Variants in NR6A1 observed in about 807,000 individuals in gnomAD.
NR6A1 encodes the protein retinoic acid receptor-related testis-associated receptor.
A neutral mutation model predicts 59.1 loss-of-function variants in NR6A1; 7 were observed. The ratio of observed to expected loss-of-function variants is 0.12; its 90% CI spans 0.07 to 0.22. The LOEUF is 0.22. Ranked by LOEUF, NR6A1 falls within the 10% of genes least tolerant of loss-of-function variation. NR6A1 has a pLI of 1.00. For synonymous variants in NR6A1, 243 were observed against 236.1 expected, an observed-to-expected ratio of 1.03 and a Z score of -0.27; for missense variants, 468 against 611.6, an observed-to-expected ratio of 0.77 and a Z score of 2.48.
In NR6A1 at chr9:124,518,170, T is replaced by C. The variant is rs1269076124; in HGVS notation, c.*4535A>G. On this transcript the variant is annotated 3_prime_UTR_variant, in exon 10 of 10. Coordinates refer to ENST00000487099, the MANE Select transcript of NR6A1 (RefSeq NM_033334.4). ...CCTTTGAGCCTACAGTTGATTCCTG[T>C]GCAGGCTGTGGTCCATTTAGGGCTT... 6.7e-6 allele frequency: 1 copy of C among 148,846 alleles called. No individual in the cohort carries two copies. The highest frequency in any genetic ancestry group is 1.5e-5 in the Non-Finnish European group (1 of 67,500). The allele number at this position is 148,846 out of a possible 1,614,324, so 9.2% of individuals were successfully genotyped here. A position where few individuals can be genotyped will look rare whatever the true frequency, so the allele number is the denominator to read the frequency against.
At chr9:124,589,286 A>C (rs982763492) in intron 2 of NR6A1, among the ~76,000 whole-genome samples, 22 of 151,960 alleles carry the variant, frequency 1.4e-4, no homozygotes, top group African/African-American at 4.3e-4. Flanking sequence ...CTCTACTAAA[A>C]ACACAAAAAA....
chr9:124,630,644 T>G (rs1328290201), intron 2 of NR6A1, among the ~76,000 whole-genome samples: 1 of 149,088 alleles, frequency 6.7e-6, no homozygotes, highest in Non-Finnish European at 1.5e-5. Context: ...TTTATACTTT[T>G]GACCCCTGGG....
At chr9:124,582,831 T>C (rs1219018906) in intron 2 of NR6A1, among the ~76,000 whole-genome samples, 1 of 152,184 alleles carries the variant, frequency 6.6e-6, no homozygotes, top group Non-Finnish European at 1.5e-5. Context: ...AAGGTTGCAG[T>C]GAGCTGAGAT....
At chr9:124,716,046 T>C (rs1839409607) in intron 2 of NR6A1, among the ~76,000 whole-genome samples, 1 of 151,832 alleles carries the variant, frequency 6.6e-6, no homozygotes, top group African/African-American at 2.4e-5. Flanking sequence ...CTACCAAAAA[T>C]TTAAAAATTA....
intron 2 of NR6A1, among the ~76,000 whole-genome samples, chr9:124,644,221 C>G (rs915964096): frequency 1.3e-5 from 2 of 151,192 alleles, no homozygotes; most frequent in African/African-American, 4.9e-5. Context: ...ATCCTTTCAC[C>G]AGACAACTGA....
chr9:124,557,424 C>T (rs7030728), intron 2 of NR6A1, among the ~76,000 whole-genome samples: 32 of 152,260 alleles, frequency 2.1e-4, no homozygotes, highest in African/African-American at 6.3e-4. Flanking sequence ...TGGGCCACCG[C>T]GCCCGGCCAA....
Position 124,660,648 on chromosome 9 carries a change from C to CAAAA in NR6A1, c.142+72656_142+72659dup, listed in dbSNP as rs753242760. Among the ~76,000 whole-genome samples, 397 of 92,794 alleles carry CAAAA rather than the reference C, an allele frequency of 4.3e-3. 13 individuals carry two copies. The highest frequency in any genetic ancestry group is 0.017 in the South Asian group (44 of 2,614). The allele number at this position is 92,794 out of a possible 152,430, so 60.9% of individuals were successfully genotyped here. A position where few individuals can be genotyped will look rare whatever the true frequency, so the allele number is the denominator to read the frequency against. On this transcript the variant is annotated intron_variant, in intron 2 of 9. Transcript: ENST00000487099. ...TGCACTCCTGGCAGCTCTGAGAATA[C>CAAAA]AAAAAAAAAAAAAAAAAAAAGGCAA... is the stretch of plus-strand genomic sequence containing the variant.
rs1832823815 is a variant in NR6A1 at position 124,522,562 on chromosome 9, C to G, written c.*143G>C. 1.9e-6 allele frequency: 1 copy of G among 540,542 alleles called. No homozygotes were observed. The highest frequency in any genetic ancestry group is 3.3e-6 in the Non-Finnish European group (1 of 306,076). The allele number at this position is 540,542 out of a possible 1,614,324, so 33.5% of individuals were successfully genotyped here. A position where few individuals can be genotyped will look rare whatever the true frequency, so the allele number is the denominator to read the frequency against. On this transcript the variant is annotated 3_prime_UTR_variant, in exon 10 of 10. Transcript: ENST00000487099. Reference sequence around the variant, plus strand: ...AAATGAGGTTAAAAAAACAGACAAACAAACAAAAACTCTTCTTGCTATGGA... The same window carrying G: ...AAATGAGGTTAAAAAAACAGACAAAGAAACAAAAACTCTTCTTGCTATGGA...
At chr9:124,546,949 A>T (rs1375992890) in intron 3 of NR6A1, among the ~76,000 whole-genome samples, 1 of 152,266 alleles carries the variant, frequency 6.6e-6, no homozygotes, top group Non-Finnish European at 1.5e-5. Context: ...AAGAACTGAC[A>T]GAGCTGGAGT....
At chr9:124,532,137 T>C (rs1008656327) in intron 7 of NR6A1, among the ~76,000 whole-genome samples, 1 of 152,234 alleles carries the variant, frequency 6.6e-6, no homozygotes, top group African/African-American at 2.4e-5. Context: ...TCTTTCTCTC[T>C]AGTCAATTCT....
At chr9:124,550,257 T>C (rs1833731779) in intron 3 of NR6A1, among the ~76,000 whole-genome samples, 1 of 152,222 alleles carries the variant, frequency 6.6e-6, no homozygotes, top group Non-Finnish European at 1.5e-5. Flanking sequence ...CCTTTGTAAT[T>C]ACTATATATT....
At chr9:124,595,753 C>T in intron 2 of NR6A1, 1 of 1,283,334 alleles carries the variant, frequency 7.8e-7, no homozygotes, top group Non-Finnish European at 1.0e-6. Context: ...CCTTACCTTC[C>T]CATGTCTCCA....
At position 124,519,402 on chromosome 9, in the gene NR6A1, G is replaced by A. The variant is rs201633854; in HGVS notation, c.*3303C>T. Reference sequence around the variant, plus strand: ...GGGAATTTCTCCAGATTAACGACGAGACCACCAAACCTTGCAAAGGACTCC... The same window carrying A: ...GGGAATTTCTCCAGATTAACGACGAAACCACCAAACCTTGCAAAGGACTCC... On this transcript the variant is annotated 3_prime_UTR_variant, in exon 10 of 10. Coordinates refer to ENST00000487099, the MANE Select transcript of NR6A1 (RefSeq NM_033334.4). 23 of 152,284 alleles carry A rather than the reference G, an allele frequency of 1.5e-4. No homozygotes were observed. The East Asian group carries it at 2.1e-3, about 14-fold the overall frequency. 9.4% of individuals were successfully genotyped at this position (152,284 alleles called of 1,614,324 possible). A position where few individuals can be genotyped will look rare whatever the true frequency, so the allele number is the denominator to read the frequency against.
chr9:124,687,812 T>G (rs535087214), intron 2 of NR6A1, among the ~76,000 whole-genome samples: 91 of 152,224 alleles, frequency 6.0e-4, no homozygotes, highest in Non-Finnish European at 1.1e-3. Flanking sequence ...GCTAAATGCA[T>G]TCAAATATTT....
chr9:124,607,400 C>T (rs4287038), intron 2 of NR6A1: 93,727 of 152,034 alleles, frequency 0.62, 30,460 homozygotes, highest in African/African-American at 0.83. Context: ...AGAAGTGGGA[C>T]TGTGCCTGTC....
chr9:124,522,876 A>T, intron 9 of NR6A1, 83 bp from the exon 10 acceptor site: 1 of 1,064,548 alleles, frequency 9.4e-7, no homozygotes, highest in Non-Finnish European at 1.4e-6. Context: ...TGGTGGAGGC[A>T]GAGTATCACC....
chr9:124,683,421 A>G (rs1008415002), intron 2 of NR6A1, among the ~76,000 whole-genome samples: 1 of 152,222 alleles, frequency 6.6e-6, no homozygotes, highest in Non-Finnish European at 1.5e-5. Flanking sequence ...AAGTAATTAC[A>G]ATAATAGTAA....
intron 5 of NR6A1, among the ~76,000 whole-genome samples, chr9:124,539,541 C>G (rs1349331722): frequency 6.6e-6 from 1 of 152,326 alleles, no homozygotes; most frequent in East Asian, 1.9e-4. Flanking sequence ...CACTCGACAA[C>G]TAACTAAAGA....
chr9:124,608,389 A>G (rs1835636193), intron 2 of NR6A1, among the ~76,000 whole-genome samples: 1 of 151,660 alleles, frequency 6.6e-6, no homozygotes, highest in Admixed American at 6.6e-5. Context: ...GAGAACATGC[A>G]GTGTTTGGTT....
Sources: allele counts gnomAD v4.1 joint callset (sites outside exome capture counted in the v4.1 genomes callset), GRCh38; gene constraint gnomAD v4.1.1; transcripts MANE v1.5; gene names NCBI Gene and HGNC (gene_info 2026-07-23, HGNC 2026-07-21).